Variants in DDA1 observed in about 807,000 individuals in gnomAD.
DDA1 encodes DET1 and DDB1 associated 1.
Under a neutral mutation model 18.6 loss-of-function variants are expected in DDA1, and 3 were observed. That is an observed-to-expected ratio of 0.16 (90% CI 0.07 to 0.42). The LOEUF (loss-of-function observed/expected upper bound fraction) is 0.42, where lower values mean the gene tolerates loss of function less well. Ranked by LOEUF, DDA1 falls within the 10% of genes least tolerant of loss-of-function variation. The pLI, the probability that DDA1 is intolerant of heterozygous loss-of-function variation, is 0.99. For synonymous variants in DDA1, 52 were observed against 54.0 expected (o/e 0.96, Z 0.17); for missense variants, 105 against 138.2 (o/e 0.76, Z 1.20).
At chr19:17,318,364 T>G (rs911053730) in intron 4 of DDA1, among the ~76,000 whole-genome samples, 1 of 152,166 alleles carries the variant, frequency 6.6e-6, no homozygotes, top group Non-Finnish European at 1.5e-5. Flanking sequence ...CCCGAGTAGC[T>G]GGGATTACAG....
chr19:17,316,424 A>G (rs1415281153), intron 4 of DDA1, among the ~76,000 whole-genome samples: 2 of 151,474 alleles, frequency 1.3e-5, no homozygotes, highest in Non-Finnish European at 1.5e-5. Context: ...TACTAAAAAT[A>G]CAAAAATTAG....
chr19:17,315,214 T>TACACACGTGTATAC (rs2074201216), intron 3 of DDA1, among the ~76,000 whole-genome samples: 1 of 24,954 alleles, frequency 4.0e-5, no homozygotes, highest in Non-Finnish European at 1.2e-4. Flanking sequence ...CACGTGTATA[T>TACACACGTGTATAC]ACACACACGT....
intron 1 of DDA1, 43 bp from the exon 2 acceptor site, chr19:17,313,980 G>T (rs539802888): frequency 1.5e-5 from 23 of 1,529,854 alleles, no homozygotes; most frequent in Non-Finnish European, 2.1e-5. Flanking sequence ...GGATGAGCTG[G>T]CCCTTGCCTG....
At position 17,320,214 on chromosome 19, in the gene DDA1, C is replaced by T. The variant is rs899000211; in HGVS notation, c.*558C>T. ...TTGGGGAGAAGTCGGCCCTTGGGAT[C>T]TTTCTCTTGAGTCATTTTATTTTTA... On this transcript the variant is annotated 3_prime_UTR_variant, in exon 5 of 5. Coordinates refer to ENST00000359866, the MANE Select transcript of DDA1 (RefSeq NM_024050.6). 1.3e-5 allele frequency: 2 copies of T among 152,772 alleles called. No homozygotes were observed. Among genetic ancestry groups the T allele is most frequent in the African/African-American group, 4.8e-5 (2 of 41,480 alleles). The allele number at this position is 152,772 out of a possible 1,614,324, so 9.5% of individuals were successfully genotyped here. A position where few individuals can be genotyped will look rare whatever the true frequency, so the allele number is the denominator to read the frequency against.
Position 17,314,255 on chromosome 19 carries a change from G to A in DDA1, c.85-83G>A. 3 of 1,582,982 alleles carry A rather than the reference G, an allele frequency of 1.9e-6. No individual in the cohort carries two copies. Among genetic ancestry groups the A allele is most frequent in the Non-Finnish European group, 2.6e-6 (3 of 1,152,446 alleles). On this transcript the variant is annotated intron_variant, in intron 2 of 4. Transcript: ENST00000359866. This position sits in a 1 kb window ranked among gnomAD's most constrained non-coding sequence, Gnocchi z 4.6. ...ACTTGAGTGTCTTCCAATCTGCACT[G>A]AAGGGTGGGTGCTGAGTGGAGGGAT...
chr19:17,318,219 ATTTAT>A (rs201187170), intron 4 of DDA1, among the ~76,000 whole-genome samples: 12,901 of 151,530 alleles, frequency 0.085, 625 homozygotes, highest in Non-Finnish European at 0.11. Context: ...TGCCCAGCTA[ATTTAT>A]TTTATTTTAT....
In DDA1 at chr19:17,323,182, TC is replaced by T. The variant is rs1167388946; in HGVS notation, c.*3531del. The T allele has an allele frequency of 1.3e-5, 2 of 156,110 alleles. No individual in the cohort carries two copies. The highest frequency in any genetic ancestry group is 3.6e-4 in the East Asian group (2 of 5,576). 9.7% of individuals were successfully genotyped at this position (156,110 alleles called of 1,614,324 possible). A position where few individuals can be genotyped will look rare whatever the true frequency, so the allele number is the denominator to read the frequency against. On this transcript the variant is annotated 3_prime_UTR_variant, in exon 5 of 5. Transcript: ENST00000359866. ...CAACCTAGGCCCCAGCCACCCAGAC[TC>T]CCCCACCCCCACTCCCTTTTCCACT...
At chr19:17,311,004 G>C (rs1411555153) in intron 1 of DDA1, among the ~76,000 whole-genome samples, 1 of 152,022 alleles carries the variant, frequency 6.6e-6, no homozygotes. Context: ...AGGCTCAAGA[G>C]ATCCCCACAC....
rs763268748 is a variant in DDA1 at position 17,314,304 on chromosome 19, T to G, written c.85-34T>G. 1 of 1,613,982 alleles carries G rather than the reference T, an allele frequency of 6.2e-7. No homozygotes were observed. Among genetic ancestry groups the G allele is most frequent in the South Asian group, 1.1e-5 (1 of 91,072 alleles). On this transcript the variant is annotated intron_variant, in intron 2 of 4. Transcript: ENST00000359866. The surrounding 1 kb of genome is among the most constrained non-coding windows in gnomAD (Gnocchi z 4.6). ...ATGAGGAGACCCCAGGCCCATGCAC[T>G]CTCCTAACCCACCCCTTCTCAACCC...
At chr19:17,313,925 A>G in intron 1 of DDA1, 98 bp from the exon 2 acceptor site, 2 of 970,266 alleles carry the variant, frequency 2.1e-6, no homozygotes, top group Middle Eastern at 2.1e-4. Flanking sequence ...ACTACAAAGA[A>G]TAGTGGGAAG....
At chr19:17,315,455 T>TATA (rs1568354250) in intron 3 of DDA1, among the ~76,000 whole-genome samples, 16 of 137,140 alleles carry the variant, frequency 1.2e-4, no homozygotes, top group East Asian at 4.1e-4. Context: ...TATATATATA[T>TATA]TAGCCGGGCG....
chr19:17,311,527 G>A (rs1218388481), intron 1 of DDA1, among the ~76,000 whole-genome samples: 2 of 152,104 alleles, frequency 1.3e-5, no homozygotes, highest in African/African-American at 2.4e-5. Flanking sequence ...GAACCCTGGC[G>A]GCTCCCCTCC....
In DDA1 at chr19:17,319,664, A is replaced by C. The variant is rs757677187; in HGVS notation, c.*8A>C. ...ATGCACGAGGACACTTAAGACTCTC[A>C]ACTCCACAGGCGCCTCCTGCCAGGT... On this transcript the variant is annotated 3_prime_UTR_variant, in exon 5 of 5. Transcript: ENST00000359866. 70 of 1,557,254 alleles carry C rather than the reference A, an allele frequency of 4.5e-5. No individual in the cohort carries two copies. The highest frequency in any genetic ancestry group is 5.9e-5 in the Non-Finnish European group (68 of 1,150,104).
In DDA1 at chr19:17,315,288, A is replaced by C. The variant is rs56260502; in HGVS notation, c.137-646A>C. On this transcript the variant is annotated intron_variant, in intron 3 of 4. Coordinates refer to ENST00000359866, the MANE Select transcript of DDA1 (RefSeq NM_024050.6). ...ACACACACGTGTATATACACACACTATATATATACACACGTGTATATATAT... is the reference window on the plus strand; with the variant it reads ...ACACACACGTGTATATACACACACTCTATATATACACACGTGTATATATAT... Among the ~76,000 whole-genome samples the C allele has an allele frequency of 6.7e-5, 2 of 29,640 alleles. 1 individual carries two copies. Among genetic ancestry groups the C allele is most frequent in the Admixed American group, 3.6e-4 (2 of 5,614 alleles). 19.4% of individuals were successfully genotyped at this position (29,640 alleles called of 152,430 possible).
intron 4 of DDA1, among the ~76,000 whole-genome samples, chr19:17,316,819 A>C (rs1257949142): frequency 1.3e-5 from 2 of 152,148 alleles, no homozygotes; most frequent in Non-Finnish European, 2.9e-5. Context: ...CGGAGCTTGC[A>C]GTGAGCCTAG....
Position 17,314,056 on chromosome 19 carries a change from A to G in DDA1, c.37A>G (p.Lys13Glu). 1 of 1,614,134 alleles carries G rather than the reference A, an allele frequency of 6.2e-7. No individual in the cohort carries two copies. Among genetic ancestry groups the G allele is most frequent in the Admixed American group, 1.7e-5 (1 of 60,022 alleles). The change falls in exon 2 of 5, where the codon AAA becomes GAA. Residue 13 changes from lysine to glutamate, a missense_variant. By Grantham distance (56) the Lys-to-Glu change is moderately conservative (BLOSUM62 1). Coordinates refer to ENST00000359866, the MANE Select transcript of DDA1 (RefSeq NM_024050.6). This position sits in a 1 kb window ranked among gnomAD's most constrained non-coding sequence, Gnocchi z 4.6. The part of the protein sequence containing the change: ...DFLKGLPVYN[K>E]SNFSRFHADS... Reference sequence around the variant, plus strand: ...TTTGAAAGGACTGCCTGTCTACAACAAAAGCAATTTTAGTCGATTTCACGC... The same window carrying G: ...TTTGAAAGGACTGCCTGTCTACAACGAAAGCAATTTTAGTCGATTTCACGC...
intron 4 of DDA1, among the ~76,000 whole-genome samples, chr19:17,318,283 G>A (rs1034935781): frequency 1.3e-5 from 2 of 152,208 alleles, no homozygotes; most frequent in Middle Eastern, 3.4e-3. Flanking sequence ...CCAGACTGGC[G>A]TGCAGTGGCG....
intron 3 of DDA1, 74 bp from the exon 4 acceptor site, chr19:17,315,860 C>T: frequency 7.0e-7 from 1 of 1,437,130 alleles, no homozygotes; most frequent in Non-Finnish European, 9.8e-7. Flanking sequence ...CCCAAAAAGA[C>T]CTCCCAGGGC....
At position 17,313,734 on chromosome 19, in the gene DDA1, G is replaced by T. The variant is rs560242100; in HGVS notation, c.4-289G>T. Among the ~76,000 whole-genome samples, 6 of 152,192 alleles carry T rather than the reference G, an allele frequency of 3.9e-5. No homozygotes were observed. The East Asian group carries it at 9.7e-4, about 25-fold the overall frequency. On this transcript the variant is annotated intron_variant, in intron 1 of 4. Transcript: ENST00000359866. ...CTGGGATTCAGGCGGGAGCCACTGC[G>T]GTATGACTTTTAACCAGTGGCCTGT...
Sources: gnomAD v4.1 joint callset for allele counts (sites outside exome capture counted in the v4.1 genomes callset) on GRCh38, gnomAD v4.1.1 for gene constraint, Gnocchi (gnomAD v3.1) non-coding constraint, MANE v1.5 for transcripts, NCBI Gene and HGNC (gene_info 2026-07-23, HGNC 2026-07-21) for gene names.